CSMD2: variants seen among roughly 807,000 people sequenced by gnomAD.
CSMD2 encodes the protein CUB and Sushi multiple domains 2.
In CSMD2, 130 loss-of-function variants were observed where a neutral mutation model predicts 398.5. That is an observed-to-expected ratio of 0.33 (90% CI 0.28 to 0.38). CSMD2 has a LOEUF of 0.38. CSMD2 is among the 10% of genes least tolerant of loss of function. CSMD2 has a pLI of 1.00. For synonymous variants in CSMD2, 1,828 were observed against 1,908.5 expected, an observed-to-expected ratio of 0.96 and a Z score of 1.10; for missense variants, 3,829 against 4,764.9, an observed-to-expected ratio of 0.80 and a Z score of 5.78.
intron 1 of CSMD2, among the ~76,000 whole-genome samples, chr1:34,098,936 C>A (rs1001713849): frequency 6.6e-6 from 1 of 151,848 alleles, no homozygotes; most frequent in African/African-American, 2.4e-5. Flanking sequence ...AGAAAGCATA[C>A]AAAAATGTTA....
intron 27 of CSMD2, among the ~76,000 whole-genome samples, chr1:33,656,349 T>C (rs980936311): frequency 6.6e-6 from 1 of 152,178 alleles, no homozygotes; most frequent in Non-Finnish European, 1.5e-5. Context: ...TCTGGATGTG[T>C]CTACTTCAGT....
chr1:34,029,555 G>T (rs1169439037), intron 3 of CSMD2, among the ~76,000 whole-genome samples: 1 of 152,144 alleles, frequency 6.6e-6, no homozygotes, highest in South Asian at 2.1e-4. Flanking sequence ...ACTCACATTT[G>T]TCCAGATGCA....
chr1:33,573,785 C>T (rs925212947), intron 49 of CSMD2, among the ~76,000 whole-genome samples: 2 of 152,044 alleles, frequency 1.3e-5, no homozygotes, highest in South Asian at 4.2e-4. Flanking sequence ...TGAAGAGAGA[C>T]ACAAGTCTTC....
In CSMD2 at chr1:33,515,540, CTT is replaced by C. The variant is rs1049805784; in HGVS notation, c.*1082_*1083del. The C allele has an allele frequency of 6.6e-6, 1 of 152,238 alleles. No individual in the cohort carries two copies. Among genetic ancestry groups the C allele is most frequent in the African/African-American group, 2.4e-5 (1 of 41,462 alleles). The allele number at this position is 152,238 out of a possible 1,614,324, so 9.4% of individuals were successfully genotyped here. A position where few individuals can be genotyped will look rare whatever the true frequency, so the allele number is the denominator to read the frequency against. On this transcript the variant is annotated 3_prime_UTR_variant, in exon 71 of 71. Coordinates refer to ENST00000373381, the MANE Select transcript of CSMD2 (RefSeq NM_001281956.2). The stretch of plus-strand genomic sequence containing the variant: ...CTGACTCCACACTTCCTAACTCTGT[CTT>C]TACCTTTGCAGGCTTCTGTTTTCTC...
At chr1:34,074,365 G>A (rs567784950) in intron 2 of CSMD2, among the ~76,000 whole-genome samples, 17 of 152,342 alleles carry the variant, frequency 1.1e-4, no homozygotes, top group South Asian at 2.1e-4. Flanking sequence ...CTCCTCAGCA[G>A]GGCATACAGG....
At chr1:33,855,259 G>A (rs931045336) in intron 5 of CSMD2, among the ~76,000 whole-genome samples, 4 of 152,156 alleles carry the variant, frequency 2.6e-5, no homozygotes, top group Non-Finnish European at 5.9e-5. Context: ...CCTGACAGGG[G>A]TAGCCATGTA....
intron 2 of CSMD2, among the ~76,000 whole-genome samples, chr1:34,071,158 G>A (rs1655696655): frequency 1.3e-5 from 2 of 152,250 alleles, no homozygotes; most frequent in South Asian, 4.1e-4. Flanking sequence ...GTGAAAGACT[G>A]CCAGGTGCAG....
chr1:33,792,325 G>A (rs1654419349), intron 11 of CSMD2, 98 bp downstream of exon 11: 5 of 797,524 alleles, frequency 6.3e-6, no homozygotes, highest in South Asian at 5.6e-5. Context: ...TGTCTTTGCT[G>A]TAGTATGGTC....
intron 5 of CSMD2, among the ~76,000 whole-genome samples, chr1:33,889,470 A>C (rs1036566435): frequency 8.5e-5 from 13 of 152,248 alleles, no homozygotes; most frequent in Non-Finnish European, 1.9e-4. Flanking sequence ...TCTGGAGTAC[A>C]CTTTAGCAGA....
chr1:33,845,252 T>A (rs1661242783), intron 6 of CSMD2, among the ~76,000 whole-genome samples: 1 of 152,218 alleles, frequency 6.6e-6, no homozygotes, highest in African/African-American at 2.4e-5. Context: ...TTGGGCTAGT[T>A]ACAACCTCTC....
intron 53 of CSMD2, 114 bp downstream of exon 53, chr1:33,567,479 A>G: frequency 3.6e-6 from 1 of 276,112 alleles, no homozygotes; most frequent in Admixed American, 7.0e-5. Flanking sequence ...AATAGCAATC[A>G]TATATATATA....
intron 15 of CSMD2, among the ~76,000 whole-genome samples, chr1:33,734,245 A>G (rs187361432): frequency 1.3e-5 from 2 of 152,308 alleles, no homozygotes; most frequent in African/African-American, 4.8e-5. Flanking sequence ...GGATGTGTTT[A>G]TACCAAACTG....
At chr1:33,969,534 T>C (rs1376541130) in intron 3 of CSMD2, among the ~76,000 whole-genome samples, 4 of 152,252 alleles carry the variant, frequency 2.6e-5, no homozygotes, top group Non-Finnish European at 5.9e-5. Flanking sequence ...AAGTGATTTA[T>C]AATACTATCT....
At chr1:34,129,268 G>A (rs1311653002) in intron 1 of CSMD2, among the ~76,000 whole-genome samples, 1 of 152,240 alleles carries the variant, frequency 6.6e-6, no homozygotes, top group Non-Finnish European at 1.5e-5. Flanking sequence ...AACACATGTT[G>A]TGTGTAGAAG....
intron 9 of CSMD2, chr1:33,812,956 A>G (rs1657025480): frequency 6.6e-6 from 1 of 152,184 alleles, no homozygotes; most frequent in African/African-American, 2.4e-5. Flanking sequence ...TTACTAAACA[A>G]ATTAAAATAA....
chr1:34,132,724 C>G (rs531993914), intron 1 of CSMD2, among the ~76,000 whole-genome samples: 82 of 152,306 alleles, frequency 5.4e-4, no homozygotes, highest in Admixed American at 5.3e-3. Flanking sequence ...GGATATTCCC[C>G]TGCCATAAGA....
intron 3 of CSMD2, among the ~76,000 whole-genome samples, chr1:33,989,740 A>ATTGTATGAT: frequency 6.6e-6 from 1 of 152,346 alleles, no homozygotes; most frequent in African/African-American, 2.4e-5. Flanking sequence ...AAGAGTATAT[A>ATTGTATGAT]TTGTATGATT....
intron 15 of CSMD2, among the ~76,000 whole-genome samples, chr1:33,738,185 A>C (rs1646943756): frequency 6.6e-6 from 1 of 152,152 alleles, no homozygotes; most frequent in Admixed American, 6.5e-5. Flanking sequence ...TTAAGTCAAG[A>C]GGTCTCTTAA....
intron 53 of CSMD2, 133 bp downstream of exon 53, chr1:33,567,460 G>GAA: frequency 7.5e-6 from 3 of 398,226 alleles, no homozygotes; most frequent in Non-Finnish European, 7.8e-6. Context: ...TTTCAGTTTT[G>GAA]AAAAAAAAAA....
Sources: gnomAD v4.1 joint callset for allele counts (sites outside exome capture counted in the v4.1 genomes callset) on GRCh38, gnomAD v4.1.1 for gene constraint, MANE v1.5 for transcripts, NCBI Gene and HGNC (gene_info 2026-07-23, HGNC 2026-07-21) for gene names.